The following XKR5 variants were observed in gnomAD, a reference collection of about 807,000 sequenced individuals.
XKR5 encodes the protein XK-related protein 5.
In XKR5, 46 loss-of-function variants were observed where a neutral mutation model predicts 40.8. The observed-to-expected ratio is 1.13, with a 90% CI of 0.89 to 1.44. The LOEUF (loss-of-function observed/expected upper bound fraction) is 1.44. XKR5 is among the 40% of genes most tolerant of loss of function. The probability of loss-of-function intolerance (pLI) is 0.00; values close to 1 mark genes in which losing one functional copy is unlikely to be tolerated. For synonymous variants in XKR5, 466 were observed against 356.1 expected (o/e 1.31, Z -3.48); for missense variants, 1,169 against 844.7 (o/e 1.38, Z -4.76).
chr8:6,818,401 A>T (rs1050474533), intron 5 of XKR5, among the ~76,000 whole-genome samples: 1 of 152,184 alleles, frequency 6.6e-6, no homozygotes, highest in Non-Finnish European at 1.5e-5. Context: ...CAGTGGCTGC[A>T]TGGATTTGCT....
intron 3 of XKR5, among the ~76,000 whole-genome samples, 171 bp from the exon 4 acceptor site, chr8:6,823,901 C>G (rs550794415): frequency 1.4e-4 from 22 of 152,324 alleles, no homozygotes; most frequent in Admixed American, 1.0e-3. Context: ...AACATAACAA[C>G]TCTATGTCCA....
chr8:6,811,137 C>A lies in XKR5; in HGVS notation c.*61G>T. 2 of 1,458,116 alleles carry A rather than the reference C, an allele frequency of 1.4e-6. No individual in the cohort carries two copies. The highest frequency in any genetic ancestry group is 5.0e-5 in the East Asian group (2 of 40,150). The allele number at this position is 1,458,116 out of a possible 1,614,324, so 90.3% of individuals were successfully genotyped here. A position where few individuals can be genotyped will look rare whatever the true frequency, so the allele number is the denominator to read the frequency against. ...GTGTCAGAAGTGGGATTTCCTTTCT[C>A]ACGGTACCAAATGGCCAGCTTGGTT... On this transcript the variant is annotated 3_prime_UTR_variant, in exon 7 of 7. Coordinates refer to ENST00000618742, the MANE Select transcript of XKR5 (RefSeq NM_207411.5).
intron 5 of XKR5, among the ~76,000 whole-genome samples, chr8:6,818,015 T>C (rs1382165973): frequency 1.3e-5 from 2 of 152,212 alleles, no homozygotes; most frequent in Non-Finnish European, 2.9e-5. Flanking sequence ...TTCCTCCTCC[T>C]TCCTCCCTTT....
intron 2 of XKR5, among the ~76,000 whole-genome samples, chr8:6,828,694 G>A (rs1193109458): frequency 6.6e-6 from 1 of 152,294 alleles, no homozygotes; most frequent in Middle Eastern, 3.4e-3. Context: ...CTGGCTGCCT[G>A]CATGGACCCC....
In XKR5 at chr8:6,820,967, A is replaced by C. The variant is rs145123311; in HGVS notation, c.807+902T>G. 3.3e-5 allele frequency among the ~76,000 whole-genome samples: 5 copies of C among 152,344 alleles called. No homozygotes were observed. The East Asian group carries it at 9.6e-4, about 29-fold the overall frequency. The stretch of plus-strand genomic sequence containing the variant: ...CACAATTTATGGGTTATTTTGTGCC[A>C]GCTACTTATGTATATTATTTTATTT... On this transcript the variant is annotated intron_variant, in intron 5 of 6. Transcript: ENST00000618742.
chr8:6,832,748 G>T lies in XKR5; in HGVS notation c.211C>A (p.Leu71Met). The T allele has an allele frequency of 2.5e-6, 4 of 1,613,304 alleles. No individual in the cohort carries two copies. The highest frequency in any genetic ancestry group is 3.4e-6 in the Non-Finnish European group (4 of 1,179,646). The change falls in exon 2 of 7, where the codon CTG (leucine) becomes ATG (methionine). Residue 71 changes from leucine to methionine, a missense_variant. Leu to Met is a conservative substitution (Grantham distance 15). Coordinates refer to ENST00000618742, the MANE Select transcript of XKR5 (RefSeq NM_207411.5). ...GHPGHCSLMM[L>M]HLLQLGVWKR... is the part of the protein sequence containing the mutation. ...CAAACACCAAGCTGTAGGAGGTGCA[G>T]CATCATCAAGGAGCAATGCCCTGGA...
Position 6,823,580 on chromosome 8 carries a change from C to G in XKR5, c.578G>C (p.Arg193Pro), listed in dbSNP as rs74948931. ...GTAGAACAGAACCAGACTCAGCACG[C>G]GGGTTCCCAACATGCCCATCCTCCA... ...QLWRMGMLGTRVLSLVLFYKA... is the reference protein window; with the variant it reads ...QLWRMGMLGTPVLSLVLFYKA... Residue 193 changes from arginine (R) to proline (P), a missense_variant, in exon 4 of 7, where the codon CGC (arginine) becomes CCC (proline). Physicochemically the swap from Arg to Pro is moderately radical, Grantham distance 103. Transcript: ENST00000618742. The G allele has an allele frequency of 6.3e-7, 1 of 1,596,782 alleles. No homozygotes were observed. Among genetic ancestry groups the G allele is most frequent in the Admixed American group, 1.7e-5 (1 of 57,468 alleles).
At chr8:6,823,500 C>T (rs777158772) in intron 4 of XKR5, 21 bp downstream of exon 4, 28 of 1,565,756 alleles carry the variant, frequency 1.8e-5, no homozygotes, top group Admixed American at 5.7e-5. Flanking sequence ...AACAGATGAC[C>T]AGATCATTAG....
At chr8:6,813,886 A>G (rs1224620776) in intron 6 of XKR5, among the ~76,000 whole-genome samples, 1 of 152,158 alleles carries the variant, frequency 6.6e-6, no homozygotes, top group Non-Finnish European at 1.5e-5. Context: ...GTGGTGTAGG[A>G]CATCTTTTCT....
intron 2 of XKR5, among the ~76,000 whole-genome samples, 196 bp downstream of exon 2, chr8:6,832,521 G>T (rs757427969): frequency 6.6e-6 from 1 of 152,164 alleles, no homozygotes; most frequent in African/African-American, 2.4e-5. Context: ...AGCCCCTGAG[G>T]TTGGAGATGC....
Position 6,832,867 on chromosome 8 carries a change from C to G in XKR5, c.92G>C (p.Gly31Ala), listed in dbSNP as rs774231061. ...GGCCAGCCACCCCCACAGAAGCCGT[C>G]CTGTGGTGAAGTAGTAAGCCACGGT... is the stretch of plus-strand genomic sequence containing the variant. ...LYTVAYYFTT[G>A]RLLWGWLALA... The change falls in exon 2 of 7, where the codon GGA becomes GCA. Residue 31 changes from glycine to alanine, a missense_variant. Coordinates refer to ENST00000618742, the MANE Select transcript of XKR5 (RefSeq NM_207411.5). 6.2e-7 allele frequency: 1 copy of G among 1,607,598 alleles called. No homozygotes were observed. Among genetic ancestry groups the G allele is most frequent in the Non-Finnish European group, 8.5e-7 (1 of 1,177,660 alleles).
intron 2 of XKR5, among the ~76,000 whole-genome samples, chr8:6,827,887 G>T (rs1191413847): frequency 1.3e-5 from 2 of 152,082 alleles, no homozygotes; most frequent in South Asian, 4.2e-4. Flanking sequence ...GCAACATAAT[G>T]AGACTCCATG....
intron 5 of XKR5, among the ~76,000 whole-genome samples, chr8:6,819,258 G>C (rs1804112740): frequency 6.6e-6 from 1 of 152,184 alleles, no homozygotes. Flanking sequence ...TTTCCTGTGT[G>C]AGCTGCTGTC....
intron 2 of XKR5, among the ~76,000 whole-genome samples, chr8:6,829,779 AG>A (rs1804673827): frequency 6.7e-6 from 1 of 149,712 alleles, no homozygotes; most frequent in South Asian, 2.1e-4. Flanking sequence ...CACCTCCTAA[AG>A]CACTGAGATT....
At chr8:6,814,774 G>A (rs1308447557) in intron 6 of XKR5, among the ~76,000 whole-genome samples, 1 of 152,204 alleles carries the variant, frequency 6.6e-6, no homozygotes, top group Non-Finnish European at 1.5e-5. Flanking sequence ...AACCCAGGGT[G>A]GCCTGTGGCT....
intron 5 of XKR5, among the ~76,000 whole-genome samples, chr8:6,819,548 C>G (rs1201423805): frequency 6.6e-6 from 1 of 152,204 alleles, no homozygotes; most frequent in Non-Finnish European, 1.5e-5. Flanking sequence ...CTCTGAATGG[C>G]CCGTGCCACG....
In XKR5 at chr8:6,811,139, C is replaced by T. The variant is rs760967625; in HGVS notation, c.*59G>A. The T allele has an allele frequency of 8.5e-5, 124 of 1,458,582 alleles. No homozygotes were observed. The highest frequency in any genetic ancestry group is 2.0e-4 in the Middle Eastern group (1 of 5,094). The allele number at this position is 1,458,582 out of a possible 1,614,324, so 90.4% of individuals were successfully genotyped here. On this transcript the variant is annotated 3_prime_UTR_variant, in exon 7 of 7. Transcript: ENST00000618742. ...GTCAGAAGTGGGATTTCCTTTCTCA[C>T]GGTACCAAATGGCCAGCTTGGTTTG...
At chr8:6,829,199 C>G (rs9692693) in intron 2 of XKR5, 41,280 of 169,098 alleles carry the variant, frequency 0.24, 6,292 homozygotes, top group East Asian at 0.45. Flanking sequence ...TTCCTTTTGA[C>G]AACCTTGAAC....
At chr8:6,830,675 C>G (rs935663747) in intron 2 of XKR5, among the ~76,000 whole-genome samples, 36 of 152,224 alleles carry the variant, frequency 2.4e-4, no homozygotes, top group African/African-American at 8.7e-4. Context: ...GTCATCTTAA[C>G]TTCTTTTTCA....
Sources: gnomAD v4.1 joint callset for allele counts (sites outside exome capture counted in the v4.1 genomes callset) on GRCh38, gnomAD v4.1.1 for gene constraint, MANE v1.5 for transcripts, NCBI Gene and HGNC (gene_info 2026-07-23, HGNC 2026-07-21) for gene names.